Variants in KNOP1 observed in about 807,000 individuals in gnomAD.
KNOP1 encodes lysine rich nucleolar protein 1.
In KNOP1, 20 loss-of-function variants were observed where a neutral mutation model predicts 30.6. The observed-to-expected ratio is 0.65, with a 90% CI of 0.46 to 0.95. The LOEUF is 0.95. KNOP1 is among the 40% of genes least tolerant of loss of function. The pLI is 0.00. For synonymous variants in KNOP1, 204 were observed against 210.0 expected (o/e 0.97, Z 0.25); for missense variants, 540 against 562.0 (o/e 0.96, Z 0.40).
intron 4 of KNOP1, 68 bp downstream of exon 4, chr16:19,710,441 G>A (rs766549718): frequency 6.7e-7 from 1 of 1,495,784 alleles, no homozygotes; most frequent in South Asian, 1.1e-5. Flanking sequence ...TCCTCATGCT[G>A]GAGGCGAGGG....
chr16:19,702,997 C>CA lies in KNOP1; in HGVS notation c.*3912dup, dbSNP rs759526682. 7,695 of 116,968 alleles carry CA rather than the reference C, an allele frequency of 0.066. 628 individuals carry two copies. The highest frequency in any genetic ancestry group is 0.23 in the African/African-American group (6,912 of 29,794). The allele number at this position is 116,968 out of a possible 1,614,324, so 7.2% of individuals were successfully genotyped here. A position where few individuals can be genotyped will look rare whatever the true frequency, so the allele number is the denominator to read the frequency against. On this transcript the variant is annotated 3_prime_UTR_variant, in exon 5 of 5. Coordinates refer to ENST00000219837, the MANE Select transcript of KNOP1 (RefSeq NM_001012991.3). The stretch of plus-strand genomic sequence containing the variant: ...GCGTGGAGTGAGAGTGAGACTGTCT[C>CA]AAAAAAAAAAAAAGAAAGAAAAACA...
rs538867351 is a variant in KNOP1, at chr16:19,716,221, A to G, written c.-2-1184T>C. ...GTGTCCTGCTCAGTGCCTGGCACAT[A>G]GCAGGTGCTCAATACATACTCACTG... On this transcript the variant is annotated intron_variant, in intron 1 of 4. Coordinates refer to ENST00000219837, the MANE Select transcript of KNOP1 (RefSeq NM_001012991.3). Among the ~76,000 whole-genome samples, 30 of 152,344 alleles carry G rather than the reference A, an allele frequency of 2.0e-4. 1 individual carries two copies. In the South Asian group the frequency reaches 6.0e-3, roughly 30 times the overall value.
rs1165128065 is a variant in KNOP1, at chr16:19,711,490, C to T, written c.919-50G>A. 5 of 1,561,822 alleles carry T rather than the reference C, an allele frequency of 3.2e-6. No homozygotes were observed. In the African/African-American group the frequency reaches 6.8e-5, roughly 21 times the overall value. On this transcript the variant is annotated intron_variant, in intron 2 of 4. Coordinates refer to ENST00000219837, the MANE Select transcript of KNOP1 (RefSeq NM_001012991.3). ...AAGGTTCAAGTTTACAATGAATGGC[C>T]TCTGCCTCTGCACCCAGCCAGGGTG...
chr16:19,715,628 C>T (rs542645328), intron 1 of KNOP1, among the ~76,000 whole-genome samples: 34 of 151,986 alleles, frequency 2.2e-4, no homozygotes, highest in Non-Finnish European at 4.1e-4. Context: ...TCCATGTTGG[C>T]CAGGCTAGTC....
chr16:19,712,150 G>C (rs1049267170), intron 2 of KNOP1: 3 of 152,236 alleles, frequency 2.0e-5, no homozygotes, highest in Non-Finnish European at 4.4e-5. Context: ...CTGAGCTCCT[G>C]GGAGAAGGGA....
chr16:19,707,244 G>A (rs780354698), intron 4 of KNOP1, 23 bp from the exon 5 acceptor site: 2 of 1,597,820 alleles, frequency 1.3e-6, no homozygotes, highest in Non-Finnish European at 8.5e-7. Flanking sequence ...GAAAAAGGTG[G>A]CTATTTTCCT....
At chr16:19,711,346 G>C (rs1247144754) in intron 3 of KNOP1, 26 bp downstream of exon 3, 1 of 1,612,334 alleles carries the variant, frequency 6.2e-7, no homozygotes, top group South Asian at 1.1e-5. Context: ...GCAGCGGGAG[G>C]GGCCTGAGGA....
At position 19,711,459 on chromosome 16, in the gene KNOP1, C is replaced by G. The variant is rs779184416; in HGVS notation, c.919-19G>C. 6.2e-7 allele frequency: 1 copy of G among 1,613,522 alleles called. No individual in the cohort carries two copies. Among genetic ancestry groups the G allele is most frequent in the Non-Finnish European group, 8.5e-7 (1 of 1,179,490 alleles). ...CTGTTTCCTGCAGGAGAGGGCAGAG[C>G]TGGCTAAGGTTCAAGTTTACAATGA... On this transcript the variant is annotated intron_variant, in intron 2 of 4. Transcript: ENST00000219837.
intron 4 of KNOP1, 177 bp downstream of exon 4, chr16:19,710,332 G>A: frequency 1.5e-6 from 1 of 675,818 alleles, no homozygotes; most frequent in Middle Eastern, 3.4e-4. Flanking sequence ...CTTTTCAGAA[G>A]GAAGGAAATT....
At position 19,711,712 on chromosome 16, in the gene KNOP1, G is replaced by A. The variant is rs779624813; in HGVS notation, c.919-272C>T. 2.3e-5 allele frequency: 11 copies of A among 470,586 alleles called. No individual in the cohort carries two copies. In the East Asian group the frequency reaches 3.2e-4, roughly 14 times the overall value. 29.2% of individuals were successfully genotyped at this position (470,586 alleles called of 1,614,324 possible). A position where few individuals can be genotyped will look rare whatever the true frequency, so the allele number is the denominator to read the frequency against. ...TAAAGTGACTACAAGGTTACCCCAC[G>A]GCTCAGGGACTGGTGATTCTAACCC... On this transcript the variant is annotated intron_variant, in intron 2 of 4. Transcript: ENST00000219837.
rs71384425 is a variant in KNOP1, at chr16:19,714,253, G to A, written c.783C>T (p.Asp261=). ...EAPEYIPISD[D]PKASAKKKMK... ...TCTTTTTCTTTGCGGAGGCCTTAGG[G>A]TCATCACTTATGGGGATGTATTCCG... The change falls in exon 2 of 5, where the codon GAC becomes GAT. Residue 261 remains aspartate (D), a synonymous_variant. Transcript: ENST00000219837. The A allele has an allele frequency of 0.012, 19,084 of 1,614,080 alleles. 149 individuals are homozygous for A. The highest frequency in any genetic ancestry group is 0.014 in the Non-Finnish European group (16,665 of 1,180,014).
intron 2 of KNOP1, among the ~76,000 whole-genome samples, chr16:19,713,187 G>A (rs1173887078): frequency 6.6e-6 from 1 of 152,022 alleles, no homozygotes; most frequent in Non-Finnish European, 1.5e-5. Flanking sequence ...CCACCTCCCA[G>A]GTTTAAGCAA....
At chr16:19,716,515 A>G (rs1436658694) in intron 1 of KNOP1, 1 of 151,154 alleles carries the variant, frequency 6.6e-6, no homozygotes, top group African/African-American at 2.5e-5. Flanking sequence ...TTGATTGGAC[A>G]GATGACTTGG....
Position 19,707,149 on chromosome 16 carries a change from TA to T in KNOP1, c.1137del (p.Met380TrpfsTer45), listed in dbSNP as rs1976419067. On this transcript the variant is annotated frameshift_variant, in exon 5 of 5. Coordinates refer to ENST00000219837, the MANE Select transcript of KNOP1 (RefSeq NM_001012991.3). LOFTEE classifies it low-confidence loss of function (END_TRUNC). ...NEDQKLKFLR[L>X]MGGFKNLSPS... ...GGGGACAGGTTTTTGAAGCCACCCA[TA>T]AGTCTGAGAAATTTCAGTTTTTGGT... The T allele has an allele frequency of 6.2e-7, 1 of 1,614,076 alleles. No homozygotes were observed. The highest frequency in any genetic ancestry group is 8.5e-7 in the Non-Finnish European group (1 of 1,179,998).
At chr16:19,710,859 C>A (rs762965938) in intron 3 of KNOP1, among the ~76,000 whole-genome samples, 1 of 147,544 alleles carries the variant, frequency 6.8e-6, no homozygotes, top group Non-Finnish European at 1.5e-5. Flanking sequence ...TTGCAGTGAG[C>A]CAAGATCACG....
intron 1 of KNOP1, chr16:19,717,922 C>T (rs1977268822): frequency 8.7e-7 from 1 of 1,146,292 alleles, no homozygotes; most frequent in African/African-American, 1.7e-5. Context: ...TCCCATGGGC[C>T]CAAGCCTCCG....
At chr16:19,710,193 A>G (rs720176) in intron 4 of KNOP1, 80,798 of 417,634 alleles carry the variant, frequency 0.19, 8,600 homozygotes, top group African/African-American at 0.28. Flanking sequence ...ATCGTCCACC[A>G]CTGGCAAGAG....
Position 19,714,193 on chromosome 16 carries a change from G to C in KNOP1, c.843C>G (p.Ile281Met), listed in dbSNP as rs750255844. 2.5e-6 allele frequency: 4 copies of C among 1,613,846 alleles called. No homozygotes were observed. The South Asian group carries it at 4.4e-5, about 18-fold the overall frequency. Residue 281 changes from isoleucine to methionine, a missense_variant, in exon 2 of 5, where the codon ATC (isoleucine) becomes ATG (methionine). Ile to Met is a conservative substitution (Grantham distance 10, BLOSUM62 1). Coordinates refer to ENST00000219837, the MANE Select transcript of KNOP1 (RefSeq NM_001012991.3). ...TCTTCCTTTTCAGAGCTGGCTCCTCGATGACTGGCTGCTCTACCTTCTTTT... is the reference window on the plus strand; with the variant it reads ...TCTTCCTTTTCAGAGCTGGCTCCTCCATGACTGGCTGCTCTACCTTCTTTT... ...KSKKKVEQPVIEEPALKRKKK... is the reference protein window; with the variant it reads ...KSKKKVEQPVMEEPALKRKKK...
chr16:19,707,340 A>G (rs1976435616), intron 4 of KNOP1, 119 bp from the exon 5 acceptor site: 1 of 736,022 alleles, frequency 1.4e-6, no homozygotes, highest in Non-Finnish European at 2.3e-6. Context: ...TACCAGGCAC[A>G]GTGCTAATAA....
Sources: allele counts gnomAD v4.1 joint callset (sites outside exome capture counted in the v4.1 genomes callset), GRCh38; gene constraint gnomAD v4.1.1; transcripts MANE v1.5; gene names NCBI Gene and HGNC (gene_info 2026-07-23, HGNC 2026-07-21).